Variants in DPY19L4 observed in about 807,000 individuals in gnomAD.
DPY19L4 encodes dpy-19 like 4.
In DPY19L4, 97 loss-of-function variants were observed where a neutral mutation model predicts 102.8. The ratio of observed to expected loss-of-function variants is 0.94; its 90% CI spans 0.80 to 1.12. DPY19L4 has a LOEUF of 1.12. Among genes scored for constraint, DPY19L4 ranks in the 50% most tolerant of loss-of-function variants. DPY19L4 has a pLI of 0.00. For synonymous variants in DPY19L4, 252 were observed against 283.1 expected (o/e 0.89, Z 1.10); for missense variants, 815 against 850.4 (o/e 0.96, Z 0.52).
At position 94,792,557 on chromosome 8, in the gene DPY19L4, G is replaced by GT. The variant is rs948846933; in HGVS notation, c.*2649dup. ...GCCACTGCGCCCGGCGCAAGTCTTT[G>GT]TTAAAAGTAGAGATGGAGGCCAGGC... is the stretch of plus-strand genomic sequence containing the variant. On this transcript the variant is annotated 3_prime_UTR_variant, in exon 19 of 19. Transcript: ENST00000414645. 2 of 149,388 alleles carry GT rather than the reference G, an allele frequency of 1.3e-5. No homozygotes were observed. The highest frequency in any genetic ancestry group is 4.9e-5 in the African/African-American group (2 of 40,886). 9.3% of individuals were successfully genotyped at this position (149,388 alleles called of 1,614,324 possible). A position where few individuals can be genotyped will look rare whatever the true frequency, so the allele number is the denominator to read the frequency against.
chr8:94,751,903 A>G (rs761134159), intron 6 of DPY19L4, among the ~76,000 whole-genome samples: 1 of 152,112 alleles, frequency 6.6e-6, no homozygotes, highest in African/African-American at 2.4e-5. Flanking sequence ...TACTCAGCAT[A>G]ATTTTGGTAT....
At chr8:94,776,438 A>G (rs7837111) in intron 13 of DPY19L4, among the ~76,000 whole-genome samples, 30,044 of 150,818 alleles carry the variant, frequency 0.2, 3,738 homozygotes, top group African/African-American at 0.35. Context: ...CAAAGTCCTG[A>G]GATTACAGGT....
intron 17 of DPY19L4, among the ~76,000 whole-genome samples, chr8:94,785,955 T>A (rs1163245218): frequency 6.6e-6 from 1 of 151,966 alleles, no homozygotes; most frequent in Non-Finnish European, 1.5e-5. Flanking sequence ...AATTTAAACA[T>A]TTTAGAGTTT....
intron 16 of DPY19L4, 85 bp from the exon 17 acceptor site, chr8:94,783,585 T>C: frequency 6.8e-7 from 1 of 1,474,404 alleles, no homozygotes; most frequent in Admixed American, 2.4e-5. Context: ...TTGTAAGTTG[T>C]CTGGTATTTC....
At chr8:94,781,812 G>C (rs1396466304) in intron 16 of DPY19L4, among the ~76,000 whole-genome samples, 1 of 152,190 alleles carries the variant, frequency 6.6e-6, no homozygotes, top group African/African-American at 2.4e-5. Context: ...CTGAATTCAT[G>C]TGGTTTTATA....
chr8:94,788,771 A>C (rs990705624), intron 18 of DPY19L4, among the ~76,000 whole-genome samples: 3 of 152,220 alleles, frequency 2.0e-5, no homozygotes, highest in African/African-American at 7.2e-5. Flanking sequence ...AGGGATCATA[A>C]GAAAAGTTTA....
Position 94,765,248 on chromosome 8 carries a change from TC to T in DPY19L4, c.938del (p.Pro313GlnfsTer9). ...FLGYLLQFEN[P>X]ALLVSPLLSL... is the part of the protein sequence containing the mutation. ...TGGGATATTTACTACAGTTTGAGAATCCAGCTTTGTTGGTATCTCCTTTATT... is the reference window on the plus strand; with the variant it reads ...TGGGATATTTACTACAGTTTGAGAATCAGCTTTGTTGGTATCTCCTTTATT... On this transcript the variant is annotated frameshift_variant, in exon 9 of 19. Transcript: ENST00000414645. LOFTEE classifies it high-confidence loss of function. 2 of 1,610,104 alleles carry T rather than the reference TC, an allele frequency of 1.2e-6. No homozygotes were observed. The highest frequency in any genetic ancestry group is 1.7e-6 in the Non-Finnish European group (2 of 1,178,934).
At chr8:94,763,830 A>G (rs1812509922) in intron 8 of DPY19L4, among the ~76,000 whole-genome samples, 1 of 151,942 alleles carries the variant, frequency 6.6e-6, no homozygotes, top group African/African-American at 2.4e-5. Flanking sequence ...GCCCAGCCCC[A>G]GGTGATTTTT....
At chr8:94,748,600 G>GGCA (rs149323824) in intron 6 of DPY19L4, among the ~76,000 whole-genome samples, 1,792 of 152,074 alleles carry the variant, frequency 0.012, 27 homozygotes, top group African/African-American at 0.041. Flanking sequence ...GGAGGTGAGT[G>GGCA]GCAGCAGCAG....
At chr8:94,751,000 C>CA (rs1341738907) in intron 6 of DPY19L4, among the ~76,000 whole-genome samples, 1 of 151,958 alleles carries the variant, frequency 6.6e-6, no homozygotes, top group Non-Finnish European at 1.5e-5. Flanking sequence ...AGGCTGGTCT[C>CA]AAACTCCTGA....
rs1813936251 is a variant in DPY19L4, at chr8:94,793,502, T to G, written c.*3592T>G. The G allele has an allele frequency of 1.3e-5, 2 of 152,364 alleles. No individual in the cohort carries two copies. The highest frequency in any genetic ancestry group is 2.1e-4 in the South Asian group (1 of 4,832). 9.4% of individuals were successfully genotyped at this position (152,364 alleles called of 1,614,324 possible). A position where few individuals can be genotyped will look rare whatever the true frequency, so the allele number is the denominator to read the frequency against. ...TATGTTATTAATTAATCTGCATATT[T>G]GTAACGCAAATAACTACTTCCTGAT... On this transcript the variant is annotated 3_prime_UTR_variant, in exon 19 of 19. Transcript: ENST00000414645.
intron 6 of DPY19L4, among the ~76,000 whole-genome samples, chr8:94,744,075 C>A (rs1471083439): frequency 1.3e-5 from 2 of 152,160 alleles, no homozygotes; most frequent in African/African-American, 4.8e-5. Flanking sequence ...CATAACAAAT[C>A]ACCCGAAATT....
intron 3 of DPY19L4, among the ~76,000 whole-genome samples, chr8:94,736,055 C>G (rs1471161750): frequency 6.6e-6 from 1 of 152,186 alleles, no homozygotes; most frequent in Admixed American, 6.5e-5. Flanking sequence ...AGTCCTAGAT[C>G]AAGGCATGGG....
At chr8:94,778,017 G>A (rs971606019) in intron 14 of DPY19L4, among the ~76,000 whole-genome samples, 8 of 152,118 alleles carry the variant, frequency 5.3e-5, no homozygotes, top group African/African-American at 1.7e-4. Flanking sequence ...GATCACTTGA[G>A]GCCAGGAGTT....
At position 94,793,372 on chromosome 8, in the gene DPY19L4, G is replaced by A. The variant is rs570057228; in HGVS notation, c.*3462G>A. ...CTGTTAAAAAATTTTGATGCTTTTC[G>A]TGGATAAAAGTAGTGCCTCTCTTTA... is the stretch of plus-strand genomic sequence containing the variant. On this transcript the variant is annotated 3_prime_UTR_variant, in exon 19 of 19. Coordinates refer to ENST00000414645, the MANE Select transcript of DPY19L4 (RefSeq NM_181787.3). 3 of 152,112 alleles carry A rather than the reference G, an allele frequency of 2.0e-5. No individual in the cohort carries two copies. Among genetic ancestry groups the A allele is most frequent in the Non-Finnish European group, 4.4e-5 (3 of 68,014 alleles). The allele number at this position is 152,112 out of a possible 1,614,324, so 9.4% of individuals were successfully genotyped here. A position where few individuals can be genotyped will look rare whatever the true frequency, so the allele number is the denominator to read the frequency against.
At chr8:94,737,651 C>T (rs1246439656) in intron 3 of DPY19L4, among the ~76,000 whole-genome samples, 1 of 151,680 alleles carries the variant, frequency 6.6e-6, no homozygotes, top group Non-Finnish European at 1.5e-5. Context: ...GGCGTGGTGG[C>T]GGGTGCCTGT....
At chr8:94,722,969 G>C (rs911754755) in intron 1 of DPY19L4, among the ~76,000 whole-genome samples, 3 of 152,230 alleles carry the variant, frequency 2.0e-5, no homozygotes, top group African/African-American at 4.8e-5. Context: ...AGCAAAGAAA[G>C]AAGTGACAAC....
rs754689543 is a variant in DPY19L4, at chr8:94,765,155, C to A, written c.871-28C>A. On this transcript the variant is annotated intron_variant, in intron 8 of 18. Transcript: ENST00000414645. ...TATGTATGATAAAATATAACTTATTCTCACTTATTTTATTTTTGTCACAAC... is the reference window on the plus strand; with the variant it reads ...TATGTATGATAAAATATAACTTATTATCACTTATTTTATTTTTGTCACAAC... 8 of 1,349,948 alleles carry A rather than the reference C, an allele frequency of 5.9e-6. No homozygotes were observed. In the Admixed American group the frequency reaches 1.3e-4, roughly 22 times the overall value. 83.6% of individuals were successfully genotyped at this position (1,349,948 alleles called of 1,614,324 possible). A position where few individuals can be genotyped will look rare whatever the true frequency, so the allele number is the denominator to read the frequency against.
intron 2 of DPY19L4, among the ~76,000 whole-genome samples, chr8:94,727,243 T>C (rs1458059324): frequency 6.6e-6 from 1 of 152,068 alleles, no homozygotes; most frequent in Non-Finnish European, 1.5e-5. Context: ...GATTGATTGA[T>C]TGATTTTTGA....
Sources: allele counts gnomAD v4.1 joint callset (sites outside exome capture counted in the v4.1 genomes callset), GRCh38; gene constraint gnomAD v4.1.1; transcripts MANE v1.5; gene names NCBI Gene and HGNC (gene_info 2026-07-23, HGNC 2026-07-21).